The following GUCY2C variants were observed in gnomAD, a reference collection of about 807,000 sequenced individuals.
GUCY2C encodes the protein guanylyl cyclase C.
Under a neutral mutation model 131.1 loss-of-function variants are expected in GUCY2C, and 118 were observed. That is an observed-to-expected ratio of 0.90 (90% CI 0.78 to 1.05). The LOEUF (loss-of-function observed/expected upper bound fraction) is 1.05. Ranked by LOEUF, GUCY2C falls within the 50% of genes least tolerant of loss-of-function variation. GUCY2C has a pLI of 0.00. For missense variants in GUCY2C, 1,161 were observed against 1,304.4 expected (o/e 0.89, Z 1.69); for synonymous variants, 452 against 457.8 (o/e 0.99, Z 0.16).
chr12:14,677,823 G>A (rs571205111), intron 6 of GUCY2C, among the ~76,000 whole-genome samples: 1 of 150,158 alleles, frequency 6.7e-6, no homozygotes, highest in African/African-American at 2.5e-5. Flanking sequence ...CAGGTGATCC[G>A]CCTGTCTTGG....
intron 26 of GUCY2C, 118 bp downstream of exon 26, chr12:14,614,749 C>T (rs1179081655): frequency 3.1e-6 from 2 of 644,056 alleles, no homozygotes; most frequent in Admixed American, 3.4e-5. Flanking sequence ...ATGTATAGTC[C>T]CTTACTTCTT....
Position 14,650,227 on chromosome 12 carries a change from T to C in GUCY2C, c.1710+1180A>G, listed in dbSNP as rs190051976. Among the ~76,000 whole-genome samples, 26 of 152,256 alleles carry C rather than the reference T, an allele frequency of 1.7e-4. No individual in the cohort carries two copies. The East Asian group carries it at 4.4e-3, about 26-fold the overall frequency. Reference sequence around the variant, plus strand: ...TCTTCTAAAGTTTGCATTAGATACTTCAATTGTTTATTATTATTATTATTC... The same window carrying C: ...TCTTCTAAAGTTTGCATTAGATACTCCAATTGTTTATTATTATTATTATTC... On this transcript the variant is annotated intron_variant, in intron 15 of 26. Transcript: ENST00000261170.
intron 26 of GUCY2C, among the ~76,000 whole-genome samples, chr12:14,614,005 C>T (rs773052926): frequency 6.6e-5 from 10 of 152,016 alleles, no homozygotes; most frequent in Non-Finnish European, 1.2e-4. Flanking sequence ...ATGTTAAGAC[C>T]CAGAACCGCA....
Position 14,640,978 on chromosome 12 carries a change from T to G in GUCY2C, c.2068+104A>C. ...AGATGGGAAATCATTAATTTTGCAT[T>G]TGAAGGAATTGTGATGTGGTTACAG... On this transcript the variant is annotated intron_variant, in intron 18 of 26. Transcript: ENST00000261170. 9.3e-6 allele frequency: 9 copies of G among 967,068 alleles called. No individual in the cohort carries two copies. The South Asian group carries it at 1.4e-4, about 15-fold the overall frequency. 59.9% of individuals were successfully genotyped at this position (967,068 alleles called of 1,614,324 possible). A position where few individuals can be genotyped will look rare whatever the true frequency, so the allele number is the denominator to read the frequency against.
intron 8 of GUCY2C, chr12:14,674,333 A>G (rs1948180755): frequency 4.8e-6 from 2 of 416,414 alleles, no homozygotes; most frequent in South Asian, 2.5e-5. Flanking sequence ...AAGCACAGTC[A>G]GGACATTACT....
chr12:14,665,048 C>A (rs1308848609), intron 10 of GUCY2C, among the ~76,000 whole-genome samples: 3 of 151,904 alleles, frequency 2.0e-5, no homozygotes, highest in Non-Finnish European at 4.4e-5. Context: ...CCCGTCTCCA[C>A]TAAAAACATA....
In GUCY2C at chr12:14,643,574, C is replaced by A; in HGVS notation, c.1930G>T (p.Asp644Tyr). The part of the protein sequence containing the change: ...GCNSILPPKK[D>Y]LWTAPEHLRQ... ...AGTGAACATTTCATTCATTACAGAC[C>A]CTTTTTTGGAGGTAAAATGGAATTG... Residue 644 changes from aspartate to tyrosine, a missense_variant and splice_region_variant, in exon 17 of 27, where the codon GAC becomes TAC. Transcript: ENST00000261170. 6.2e-7 allele frequency: 1 copy of A among 1,613,636 alleles called. No homozygotes were observed. Among genetic ancestry groups the A allele is most frequent in the East Asian group, 2.2e-5 (1 of 44,862 alleles).
At chr12:14,685,768 TAGAAC>T (rs1948455972) in intron 3 of GUCY2C, among the ~76,000 whole-genome samples, 1 of 152,178 alleles carries the variant, frequency 6.6e-6, no homozygotes, top group African/African-American at 2.4e-5. Flanking sequence ...ACCTACAGGA[TAGAAC>T]AGAACCCTAC....
At position 14,683,096 on chromosome 12, in the gene GUCY2C, G is replaced by A; in HGVS notation, c.557C>T (p.Ser186Phe). ...KTNDLPFKTY[S>F]WSTSYVYKNG... is the part of the protein sequence containing the mutation. ...CTTGTAAACATACGAAGTGCTCCAG[G>A]AATAAGTTTTGAAGGGCAGATCGTT... The change falls in exon 4 of 27, where the codon TCC becomes TTC. Residue 186 changes from serine to phenylalanine, a missense_variant. By Grantham distance (155) the Ser-to-Phe change is radical (BLOSUM62 -2). Coordinates refer to ENST00000261170, the MANE Select transcript of GUCY2C (RefSeq NM_004963.4). 6.2e-7 allele frequency: 1 copy of A among 1,613,666 alleles called. No homozygotes were observed. Among genetic ancestry groups the A allele is most frequent in the Non-Finnish European group, 8.5e-7 (1 of 1,179,660 alleles).
intron 12 of GUCY2C, among the ~76,000 whole-genome samples, 174 bp from the exon 13 acceptor site, chr12:14,653,188 G>A (rs535849133): frequency 1.3e-5 from 2 of 152,214 alleles, no homozygotes; most frequent in Admixed American, 1.3e-4. Flanking sequence ...TCACTAATTG[G>A]ACTCCAGCAA....
chr12:14,656,906 G>A (rs933914183), intron 11 of GUCY2C, among the ~76,000 whole-genome samples: 1 of 152,240 alleles, frequency 6.6e-6, no homozygotes, highest in Admixed American at 6.5e-5. Context: ...GTGGTTTCAG[G>A]ATGAAACTGT....
At position 14,641,207 on chromosome 12, in the gene GUCY2C, G is replaced by A. The variant is rs774796174; in HGVS notation, c.1943C>T (p.Ala648Val). 3.1e-6 allele frequency: 5 copies of A among 1,613,438 alleles called. No homozygotes were observed. In the South Asian group the frequency reaches 4.4e-5, roughly 14 times the overall value. ...ILPPKKDLWT[A>V]PEHLRQANIS... ...GTTGGCTTGGCGGAGGTGCTCTGGAGCTGTCCACAGGTCTGTAAATGTAGA... is the reference window on the plus strand; with the variant it reads ...GTTGGCTTGGCGGAGGTGCTCTGGAACTGTCCACAGGTCTGTAAATGTAGA... Residue 648 changes from alanine to valine, a missense_variant, in exon 18 of 27, where the codon GCT becomes GTT. By Grantham distance (64) the Ala-to-Val change is moderately conservative (BLOSUM62 0). Coordinates refer to ENST00000261170, the MANE Select transcript of GUCY2C (RefSeq NM_004963.4).
intron 12 of GUCY2C, among the ~76,000 whole-genome samples, chr12:14,654,136 T>C (rs1947718087): frequency 6.6e-6 from 1 of 152,226 alleles, no homozygotes; most frequent in South Asian, 2.1e-4. Context: ...ATCTTGATTA[T>C]TTTTTTCTGT....
intron 2 of GUCY2C, 79 bp from the exon 3 acceptor site, chr12:14,686,304 G>C (rs1948468683): frequency 2.0e-6 from 2 of 1,013,310 alleles, no homozygotes; most frequent in Non-Finnish European, 3.1e-6. Context: ...GCAAGGGGAA[G>C]GCTCCCAGAG....
chr12:14,613,088 T>C lies in GUCY2C; in HGVS notation c.*29A>G. ...TGCCTCAGTGCAGCTGTATTTTAAT[T>C]TGTGTGAGTCCTTATACCTCATTTA... On this transcript the variant is annotated 3_prime_UTR_variant, in exon 27 of 27. Transcript: ENST00000261170. The surrounding 1 kb of genome is among the most constrained non-coding windows in gnomAD (Gnocchi z 4.9). 2 of 1,583,758 alleles carry C rather than the reference T, an allele frequency of 1.3e-6. No individual in the cohort carries two copies. Among genetic ancestry groups the C allele is most frequent in the Non-Finnish European group, 1.7e-6 (2 of 1,153,874 alleles).
intron 11 of GUCY2C, among the ~76,000 whole-genome samples, chr12:14,660,014 T>C (rs1947835712): frequency 6.6e-6 from 1 of 152,214 alleles, no homozygotes; most frequent in Admixed American, 6.5e-5. Flanking sequence ...CACCACACAT[T>C]GTAGACCATC....
At chr12:14,650,862 T>A (rs911585257) in intron 15 of GUCY2C, among the ~76,000 whole-genome samples, 1 of 152,210 alleles carries the variant, frequency 6.6e-6, no homozygotes, top group African/African-American at 2.4e-5. Flanking sequence ...GCTATGTTTT[T>A]TTCTTGGAGG....
intron 21 of GUCY2C, among the ~76,000 whole-genome samples, chr12:14,623,620 T>G (rs1313959105): frequency 6.6e-6 from 1 of 152,236 alleles, no homozygotes; most frequent in African/African-American, 2.4e-5. Context: ...TGATATGGTT[T>G]GGCTCCGTGT....
At chr12:14,624,305 G>A (rs1002324012) in intron 21 of GUCY2C, among the ~76,000 whole-genome samples, 2 of 152,096 alleles carry the variant, frequency 1.3e-5, no homozygotes, top group Non-Finnish European at 2.9e-5. Context: ...GCTGGGTGTG[G>A]TGGCAGGCGC....
Sources: gnomAD v4.1 joint callset for allele counts (sites outside exome capture counted in the v4.1 genomes callset) on GRCh38, gnomAD v4.1.1 for gene constraint, Gnocchi (gnomAD v3.1) non-coding constraint, MANE v1.5 for transcripts, NCBI Gene and HGNC (gene_info 2026-07-23, HGNC 2026-07-21) for gene names.